CHRNA7: variants seen among roughly 807,000 people sequenced by gnomAD.
The protein encoded by CHRNA7 is neuronal acetylcholine receptor subunit alpha-7.
A neutral mutation model predicts 48.0 loss-of-function variants in CHRNA7; 17 were observed. That is an observed-to-expected ratio of 0.35 (90% confidence interval 0.24 to 0.53). CHRNA7 has a LOEUF of 0.53. Ranked by LOEUF, CHRNA7 falls within the 20% of genes least tolerant of loss-of-function variation. The pLI, the probability that CHRNA7 is intolerant of heterozygous loss-of-function variation, is 0.92. For missense variants in CHRNA7, 155 were observed against 577.7 expected (o/e 0.27, Z 7.50); for synonymous variants, 75 against 242.3 (o/e 0.31, Z 6.41).
chr15:32,166,621 C>T, intron 9 of CHRNA7: 1 of 150,978 alleles, frequency 6.6e-6, no homozygotes, highest in Non-Finnish European at 1.5e-5. Flanking sequence ...AGGAAATAAA[C>T]CTGTTAGGTT....
intron 2 of CHRNA7, among the ~76,000 whole-genome samples, chr15:32,041,586 G>A (rs2049449090): frequency 1.3e-5 from 2 of 152,218 alleles, no homozygotes; most frequent in African/African-American, 4.8e-5. Flanking sequence ...TGTGGCCTGG[G>A]GGTTGGGGAA....
At chr15:32,074,125 T>A (rs2141222767) in intron 2 of CHRNA7, among the ~76,000 whole-genome samples, 1 of 151,806 alleles carries the variant, frequency 6.6e-6, no homozygotes, top group Middle Eastern at 3.4e-3. Context: ...TGCTCATTGC[T>A]GGTGTATATA....
intron 4 of CHRNA7, among the ~76,000 whole-genome samples, chr15:32,137,148 A>G (rs1273087127): frequency 3.9e-5 from 6 of 152,158 alleles, no homozygotes; most frequent in Non-Finnish European, 8.8e-5. Context: ...ATTACAGTAG[A>G]CAAGATAAAA....
intron 2 of CHRNA7, among the ~76,000 whole-genome samples, chr15:32,051,210 G>A (rs2049667920): frequency 6.6e-6 from 1 of 151,800 alleles, no homozygotes; most frequent in African/African-American, 2.4e-5. Context: ...GTCTGCAGAG[G>A]TTACTGCTCT....
chr15:32,140,636 A>G (rs1459159746), intron 4 of CHRNA7, among the ~76,000 whole-genome samples: 1 of 152,196 alleles, frequency 6.6e-6, no homozygotes, highest in Non-Finnish European at 1.5e-5. Flanking sequence ...GAGAGATGGT[A>G]TCTCATTGTG....
chr15:32,098,448 T>C (rs1405472905), intron 2 of CHRNA7, among the ~76,000 whole-genome samples: 1 of 147,998 alleles, frequency 6.8e-6, no homozygotes, highest in East Asian at 1.9e-4. Context: ...ACAGAACCTC[T>C]TTGAGAAGGG....
chr15:32,138,847 G>A (rs1364762887), intron 4 of CHRNA7, among the ~76,000 whole-genome samples: 6 of 152,004 alleles, frequency 3.9e-5, no homozygotes, highest in African/African-American at 1.2e-4. Flanking sequence ...TCCACGTCCC[G>A]GGTTCAAGCG....
intron 2 of CHRNA7, among the ~76,000 whole-genome samples, chr15:32,067,999 A>G (rs1056212572): frequency 6.6e-6 from 1 of 152,206 alleles, no homozygotes; most frequent in African/African-American, 2.4e-5. Flanking sequence ...AGAAAATCAT[A>G]AAAAGCACCT....
rs2050570010 is a variant in CHRNA7 at position 32,101,395 on chromosome 15, AC to A, written c.240+51del. On this transcript the variant is annotated intron_variant, in intron 3 of 9. Transcript: ENST00000306901. ...TCTCCCATGGGCTGCAAGATCTTGC[AC>A]CCAAGATTCTTGTTCTGATACCTGA... is the stretch of plus-strand genomic sequence containing the variant. 1.9e-6 allele frequency: 3 copies of A among 1,544,628 alleles called. No individual in the cohort carries two copies. The African/African-American group carries it at 4.2e-5, about 22-fold the overall frequency.
chr15:32,111,727 C>G, intron 3 of CHRNA7, 63 bp from the exon 4 acceptor site: 2 of 932,394 alleles, frequency 2.1e-6, no homozygotes, highest in Non-Finnish European at 3.4e-6. Context: ...ACCTAATAAT[C>G]GCTTATGAGA....
At chr15:32,046,409 C>G (rs1407711045) in intron 2 of CHRNA7, among the ~76,000 whole-genome samples, 2 of 148,276 alleles carry the variant, frequency 1.3e-5, no homozygotes, top group African/African-American at 5.1e-5. Flanking sequence ...TTGCATTTCT[C>G]TGATGGCCAG....
At chr15:32,070,060 A>T (rs1420090814) in intron 2 of CHRNA7, among the ~76,000 whole-genome samples, 3 of 152,208 alleles carry the variant, frequency 2.0e-5, no homozygotes, top group South Asian at 2.1e-4. Flanking sequence ...AAACCTTTTT[A>T]AAAAATAAGC....
chr15:32,117,023 CATT>C (rs930021810), intron 4 of CHRNA7, among the ~76,000 whole-genome samples: 13 of 152,242 alleles, frequency 8.5e-5, no homozygotes, highest in Non-Finnish European at 1.6e-4. Flanking sequence ...TTGTGCTCAT[CATT>C]GTTGCCAAGC....
At chr15:32,049,281 A>G (rs1483762229) in intron 2 of CHRNA7, among the ~76,000 whole-genome samples, 3 of 151,930 alleles carry the variant, frequency 2.0e-5, no homozygotes. Context: ...GTGGCAGTCT[A>G]AGTCTCTTTG....
chr15:32,148,908 C>T (rs187796122), intron 4 of CHRNA7, among the ~76,000 whole-genome samples: 4 of 152,306 alleles, frequency 2.6e-5, no homozygotes, highest in South Asian at 2.1e-4. Context: ...CTCTGGCTAT[C>T]CTTTAAAGCC....
rs1431037756 is a variant in CHRNA7 at position 32,170,546 on chromosome 15, T to C, written c.*2088T>C. The C allele has an allele frequency of 2.7e-5, 4 of 150,264 alleles. No individual in the cohort carries two copies. In the East Asian group the frequency reaches 7.9e-4, roughly 30 times the overall value. 9.3% of individuals were successfully genotyped at this position (150,264 alleles called of 1,614,324 possible). A position where few individuals can be genotyped will look rare whatever the true frequency, so the allele number is the denominator to read the frequency against. ...ATTGATCCCTCCCACATTTTTGCTT[T>C]AAAAAGAAACCTTTTTGGTTTTGTA... On this transcript the variant is annotated 3_prime_UTR_variant, in exon 10 of 10. Transcript: ENST00000306901.
intron 2 of CHRNA7, among the ~76,000 whole-genome samples, chr15:32,081,418 A>G (rs1296980203): frequency 2.0e-5 from 3 of 152,078 alleles, no homozygotes; most frequent in African/African-American, 7.2e-5. Context: ...TATCTTTTTT[A>G]TATTTTACCT....
intron 4 of CHRNA7, among the ~76,000 whole-genome samples, chr15:32,122,317 C>T (rs1273407157): frequency 6.6e-6 from 1 of 152,114 alleles, no homozygotes; most frequent in African/African-American, 2.4e-5. Flanking sequence ...TAAGTAAGTT[C>T]TGATTGTGTG....
intron 2 of CHRNA7, among the ~76,000 whole-genome samples, chr15:32,037,594 A>T (rs1172592043): frequency 6.6e-6 from 1 of 152,112 alleles, no homozygotes; most frequent in Non-Finnish European, 1.5e-5. Flanking sequence ...GTTTGTAAGA[A>T]TTTTGTAGTT....
Sources: gnomAD v4.1 joint callset for allele counts (sites outside exome capture counted in the v4.1 genomes callset) on GRCh38, gnomAD v4.1.1 for gene constraint, MANE v1.5 for transcripts, NCBI Gene and HGNC (gene_info 2026-07-23, HGNC 2026-07-21) for gene names.